The following SAMD4A variants were observed in gnomAD, a reference collection of about 807,000 sequenced individuals.
SAMD4A encodes sterile alpha motif domain containing 4A, also known as protein Smaug homolog 1.
In SAMD4A, 33 loss-of-function variants were observed where a neutral mutation model predicts 81.3. The ratio of observed to expected loss-of-function variants is 0.41; its 90% CI spans 0.31 to 0.54. The LOEUF is 0.54. Among genes scored for constraint, SAMD4A ranks in the 20% least tolerant of loss-of-function variants. The pLI is 0.37. For synonymous variants in SAMD4A, 389 were observed against 382.1 expected, an observed-to-expected ratio of 1.02 and a Z score of -0.21; for missense variants, 854 against 951.1, an observed-to-expected ratio of 0.90 and a Z score of 1.34.
In SAMD4A at chr14:54,737,263, C is replaced by A; in HGVS notation, c.955C>A (p.Gln319Lys). ...TCAGACCACTGCTCGTAACACATTC[C>A]AAGAAGAAGGTAGTGGGATGAAAGG... ...EDQTTARNTF[Q>K]EEGSGMKDVP... Residue 319 changes from glutamine to lysine, a missense_variant, in exon 4 of 13, where the codon CAA (glutamine) becomes AAA (lysine). Gln to Lys is a moderately conservative substitution (Grantham distance 53, BLOSUM62 1). Transcript: ENST00000554335. The A allele has an allele frequency of 1.2e-6, 2 of 1,614,016 alleles. No individual in the cohort carries two copies. The highest frequency in any genetic ancestry group is 1.7e-6 in the Non-Finnish European group (2 of 1,180,002).
At chr14:54,601,496 A>G (rs908702092) in intron 2 of SAMD4A, among the ~76,000 whole-genome samples, 3 of 152,110 alleles carry the variant, frequency 2.0e-5, no homozygotes, top group Non-Finnish European at 2.9e-5. Flanking sequence ...TGATTCATTC[A>G]TATTGGGTGG....
intron 2 of SAMD4A, among the ~76,000 whole-genome samples, chr14:54,586,339 A>T (rs1204225783): frequency 2.0e-5 from 3 of 152,146 alleles, no homozygotes; most frequent in Non-Finnish European, 4.4e-5. Context: ...CCTTTGTTGG[A>T]TGTATAGATT....
chr14:54,618,864 C>T (rs532188812), intron 2 of SAMD4A, among the ~76,000 whole-genome samples: 1 of 151,958 alleles, frequency 6.6e-6, no homozygotes, highest in Admixed American at 6.6e-5. Flanking sequence ...AAATGTTTTA[C>T]TTCAGTTATT....
intron 3 of SAMD4A, among the ~76,000 whole-genome samples, chr14:54,704,936 T>C (rs1221907460): frequency 6.6e-6 from 1 of 152,210 alleles, no homozygotes; most frequent in Non-Finnish European, 1.5e-5. Flanking sequence ...CCTGAGCACC[T>C]GGGAGGCAGC....
chr14:54,579,292 T>C (rs762061103), intron 2 of SAMD4A, among the ~76,000 whole-genome samples: 3 of 152,262 alleles, frequency 2.0e-5, no homozygotes, highest in Admixed American at 1.3e-4. Flanking sequence ...GCTTAATCCC[T>C]GGTTTCTAAG....
intron 2 of SAMD4A, among the ~76,000 whole-genome samples, chr14:54,656,133 C>T (rs1345662183): frequency 6.6e-6 from 1 of 152,132 alleles, no homozygotes; most frequent in African/African-American, 2.4e-5. Context: ...ACAAATCAGA[C>T]AGGCAGAATT....
chr14:54,654,671 C>T (rs1343909665), intron 2 of SAMD4A, among the ~76,000 whole-genome samples: 1 of 152,180 alleles, frequency 6.6e-6, no homozygotes, highest in African/African-American at 2.4e-5. Context: ...AGAATGAAGG[C>T]TAGTCCTCTA....
At chr14:54,656,672 G>A (rs959436053) in intron 2 of SAMD4A, among the ~76,000 whole-genome samples, 1 of 152,156 alleles carries the variant, frequency 6.6e-6, no homozygotes, top group African/African-American at 2.4e-5. Context: ...GTGTTGCCCA[G>A]GCTGGAGGGC....
chr14:54,627,220 A>G (rs1293823752), intron 2 of SAMD4A, among the ~76,000 whole-genome samples: 1 of 152,200 alleles, frequency 6.6e-6, no homozygotes, highest in Non-Finnish European at 1.5e-5. Flanking sequence ...AAAAGAGGTA[A>G]AAAGGACAGA....
intron 4 of SAMD4A, among the ~76,000 whole-genome samples, chr14:54,738,671 T>C (rs1260124477): frequency 6.6e-6 from 1 of 152,228 alleles, no homozygotes; most frequent in Non-Finnish European, 1.5e-5. Flanking sequence ...GACTTTATGC[T>C]ACATGGTTAT....
chr14:54,742,578 G>C (rs543621931), intron 4 of SAMD4A, among the ~76,000 whole-genome samples: 1 of 152,264 alleles, frequency 6.6e-6, no homozygotes, highest in South Asian at 2.1e-4. Flanking sequence ...ATAGATTTGG[G>C]CTCCTAGGAA....
At chr14:54,677,576 T>C (rs1356370208) in intron 2 of SAMD4A, among the ~76,000 whole-genome samples, 10 of 152,206 alleles carry the variant, frequency 6.6e-5, no homozygotes, top group African/African-American at 2.2e-4. Flanking sequence ...AGTTCCAAGC[T>C]ACGGTTCTTA....
intron 3 of SAMD4A, chr14:54,734,842 C>T (rs1013339783): frequency 1.3e-5 from 2 of 152,202 alleles, no homozygotes; most frequent in African/African-American, 4.8e-5. Context: ...GATTAGTTAC[C>T]TATTCAGTTA....
chr14:54,717,359 T>C (rs1175260793), intron 3 of SAMD4A, among the ~76,000 whole-genome samples: 1 of 151,690 alleles, frequency 6.6e-6, no homozygotes, highest in African/African-American at 2.4e-5. Flanking sequence ...GAAGGATCGC[T>C]TGAGCCCAGG....
Position 54,691,549 on chromosome 14 carries a change from C to CAA in SAMD4A, c.197-10488_197-10487dup, listed in dbSNP as rs10610242. Among the ~76,000 whole-genome samples the CAA allele has an allele frequency of 4.1e-3, 413 of 101,048 alleles. 2 individuals are homozygous for CAA. Among genetic ancestry groups the CAA allele is most frequent in the African/African-American group, 0.014 (382 of 27,140 alleles). The allele number at this position is 101,048 out of a possible 152,430, so 66.3% of individuals were successfully genotyped here. ...GCAATGAAAAAGTAGCTTCCCTTCT[C>CAA]AAAAAAAAAAAAAAAAAAAAAAAAA... On this transcript the variant is annotated intron_variant, in intron 2 of 12. Coordinates refer to ENST00000554335, the MANE Select transcript of SAMD4A (RefSeq NM_015589.6).
At chr14:54,730,059 C>T in intron 3 of SAMD4A, among the ~76,000 whole-genome samples, 1 of 152,150 alleles carries the variant, frequency 6.6e-6, no homozygotes, top group Non-Finnish European at 1.5e-5. Flanking sequence ...TAATAAAAGT[C>T]TGCCAGAAGC....
intron 2 of SAMD4A, among the ~76,000 whole-genome samples, chr14:54,591,785 C>A (rs1241233047): frequency 6.6e-6 from 1 of 152,104 alleles, no homozygotes; most frequent in Non-Finnish European, 1.5e-5. Context: ...TATATTGCAA[C>A]TAGGTCATAG....
At chr14:54,773,923 G>T (rs1008732907) in intron 9 of SAMD4A, among the ~76,000 whole-genome samples, 1 of 152,212 alleles carries the variant, frequency 6.6e-6, no homozygotes, top group Non-Finnish European at 1.5e-5. Context: ...CATCCTGGTG[G>T]GCCTCACAGG....
chr14:54,659,921 A>G (rs1417612621), intron 2 of SAMD4A, among the ~76,000 whole-genome samples: 1 of 152,158 alleles, frequency 6.6e-6, no homozygotes, highest in Non-Finnish European at 1.5e-5. Flanking sequence ...GAAGTCAAAC[A>G]GGCCTTTTGA....
Sources: allele counts gnomAD v4.1 joint callset (sites outside exome capture counted in the v4.1 genomes callset), GRCh38; gene constraint gnomAD v4.1.1; transcripts MANE v1.5; gene names NCBI Gene and HGNC (gene_info 2026-07-23, HGNC 2026-07-21).